Variants in RNF130 observed in about 807,000 individuals in gnomAD.
RNF130 encodes the protein E3 ubiquitin-protein ligase RNF130.
Under a neutral mutation model 44.6 loss-of-function variants are expected in RNF130, and 21 were observed. The ratio of observed to expected loss-of-function variants is 0.47; its 90% confidence interval spans 0.33 to 0.68. The LOEUF is 0.68. RNF130 is among the 30% of genes least tolerant of loss of function. The probability of loss-of-function intolerance (pLI) is 0.02; values close to 1 mark genes in which losing one functional copy is unlikely to be tolerated. For missense variants in RNF130, 479 were observed against 560.6 expected, an observed-to-expected ratio of 0.85 and a Z score of 1.47; for synonymous variants, 214 against 210.4, an observed-to-expected ratio of 1.02 and a Z score of -0.15.
At chr5:179,983,702 G>A (rs974483801) in intron 3 of RNF130, among the ~76,000 whole-genome samples, 1 of 152,186 alleles carries the variant, frequency 6.6e-6, no homozygotes, top group African/African-American at 2.4e-5. Context: ...CAATGAGATT[G>A]TGCTGAATGT....
chr5:179,940,053 G>A (rs1761950299), intron 7 of RNF130: 1 of 212,718 alleles, frequency 4.7e-6, no homozygotes, highest in South Asian at 7.8e-5. Context: ...CTTTTATCTG[G>A]GTGCCACATC....
At chr5:179,987,411 C>T (rs1056862026) in intron 3 of RNF130, among the ~76,000 whole-genome samples, 6 of 152,176 alleles carry the variant, frequency 3.9e-5, no homozygotes, top group African/African-American at 7.2e-5. Flanking sequence ...TCAAGTGATC[C>T]GCCTACCTTG....
At chr5:179,988,721 T>A (rs1158097000) in intron 3 of RNF130, among the ~76,000 whole-genome samples, 1 of 152,220 alleles carries the variant, frequency 6.6e-6, no homozygotes, top group East Asian at 1.9e-4. Context: ...CTCTGGTTAT[T>A]GAGTTTTATT....
chr5:179,936,875 G>A (rs1464389587), intron 7 of RNF130, among the ~76,000 whole-genome samples: 1 of 152,168 alleles, frequency 6.6e-6, no homozygotes, highest in African/African-American at 2.4e-5. Context: ...GTCTCTTCAA[G>A]AAATGGTATT....
intron 7 of RNF130, among the ~76,000 whole-genome samples, chr5:179,938,439 A>AG (rs5873675): frequency 0.4 from 60,105 of 150,906 alleles, 12,865 homozygotes; most frequent in East Asian, 0.64. Flanking sequence ...CTTAATGAGT[A>AG]GGGGGTTTCT....
At chr5:180,052,781 G>A (rs943147571) in intron 1 of RNF130, among the ~76,000 whole-genome samples, 7 of 152,140 alleles carry the variant, frequency 4.6e-5, no homozygotes, top group African/African-American at 1.4e-4. Flanking sequence ...CCCTACGGAG[G>A]ATTACAGAAA....
chr5:179,960,782 T>C (rs1762309201), intron 8 of RNF130, among the ~76,000 whole-genome samples: 1 of 152,154 alleles, frequency 6.6e-6, no homozygotes, highest in South Asian at 2.1e-4. Context: ...GAAATCTATT[T>C]ATATATGACT....
At chr5:180,008,664 C>T (rs1214606805) in intron 3 of RNF130, among the ~76,000 whole-genome samples, 1 of 151,874 alleles carries the variant, frequency 6.6e-6, no homozygotes, top group Non-Finnish European at 1.5e-5. Context: ...GTGCACAGAT[C>T]GCTTGAGGTC....
chr5:179,951,750 G>T (rs1380218780), downstream of RNF130, among the ~76,000 whole-genome samples: 2 of 152,058 alleles, frequency 1.3e-5, no homozygotes, highest in Non-Finnish European at 2.9e-5. Flanking sequence ...AATGAAATTG[G>T]AAATCTACAA....
chr5:180,039,188 T>C (rs926836480), intron 2 of RNF130, among the ~76,000 whole-genome samples: 1 of 152,236 alleles, frequency 6.6e-6, no homozygotes, highest in Non-Finnish European at 1.5e-5. Flanking sequence ...TCAGTTTTTG[T>C]ACAATAAGCA....
At chr5:179,941,512 C>T (rs921577766) in intron 7 of RNF130, among the ~76,000 whole-genome samples, 2 of 152,176 alleles carry the variant, frequency 1.3e-5, no homozygotes, top group East Asian at 1.9e-4. Context: ...CCATGAATTC[C>T]GAGTTTCATC....
chr5:180,064,277 G>A (rs913724846), intron 1 of RNF130, among the ~76,000 whole-genome samples: 4 of 152,084 alleles, frequency 2.6e-5, no homozygotes, highest in Non-Finnish European at 5.9e-5. Flanking sequence ...CTTCTCAAAT[G>A]AGAAAAAATA....
At position 180,047,791 on chromosome 5, in the gene RNF130, G is replaced by A. The variant is rs1223295088; in HGVS notation, c.248-7144C>T. Among the ~76,000 whole-genome samples, 2 of 152,054 alleles carry A rather than the reference G, an allele frequency of 1.3e-5. 1 individual carries two copies. Among genetic ancestry groups the A allele is most frequent in the South Asian group, 4.2e-4 (2 of 4,814 alleles). On this transcript the variant is annotated intron_variant, in intron 1 of 8. Transcript: ENST00000521389. Reference sequence around the variant, plus strand: ...CAGGCCACTCTTTGTTCTCCAAACTGGCCTGCCCCAGCCAAGCGCTCTCCT... The same window carrying A: ...CAGGCCACTCTTTGTTCTCCAAACTAGCCTGCCCCAGCCAAGCGCTCTCCT...
intron 1 of RNF130, among the ~76,000 whole-genome samples, chr5:180,070,208 T>C (rs1425983753): frequency 1.3e-5 from 2 of 152,132 alleles, no homozygotes; most frequent in African/African-American, 4.8e-5. Context: ...GGAACGCAAA[T>C]ATTTACTGAA....
intron 3 of RNF130, among the ~76,000 whole-genome samples, chr5:180,009,767 G>A (rs1253567721): frequency 2.0e-5 from 3 of 152,156 alleles, no homozygotes; most frequent in Non-Finnish European, 4.4e-5. Flanking sequence ...CCAGGGAAAC[G>A]AAAACTCATG....
At chr5:180,010,829 A>G (rs930322870) in intron 3 of RNF130, among the ~76,000 whole-genome samples, 6 of 152,182 alleles carry the variant, frequency 3.9e-5, no homozygotes, top group East Asian at 1.9e-4. Flanking sequence ...GTTGTTGGTC[A>G]TGTGAATCTA....
chr5:180,030,984 C>T (rs1432281086), intron 2 of RNF130, among the ~76,000 whole-genome samples: 3 of 152,188 alleles, frequency 2.0e-5, no homozygotes, highest in Admixed American at 1.3e-4. Flanking sequence ...CTCCTACCCC[C>T]TAAGCCTACT....
chr5:180,028,634 C>T (rs977529506), intron 2 of RNF130, among the ~76,000 whole-genome samples: 2 of 152,116 alleles, frequency 1.3e-5, no homozygotes, highest in Admixed American at 1.3e-4. Context: ...TGAGTGGTTC[C>T]CCAATTACTT....
chr5:180,000,953 C>T (rs920552915), intron 3 of RNF130, among the ~76,000 whole-genome samples: 8 of 152,180 alleles, frequency 5.3e-5, no homozygotes, highest in African/African-American at 1.9e-4. Flanking sequence ...ATGTTTCTCA[C>T]GTCCCTGTGT....
Sources: gnomAD v4.1 joint callset for allele counts (sites outside exome capture counted in the v4.1 genomes callset) on GRCh38, gnomAD v4.1.1 for gene constraint, MANE v1.5 for transcripts, NCBI Gene and HGNC (gene_info 2026-07-23, HGNC 2026-07-21) for gene names.